Variants in AFG2A observed in about 807,000 individuals in gnomAD.
AFG2A encodes AAA ATPase AFG2A.
chr4:123,226,375 A>G, the AFG2A span, among the ~76,000 whole-genome samples: 3 of 152,140 alleles, frequency 2.0e-5, no homozygotes, highest in Non-Finnish European at 4.4e-5. Flanking sequence ...TACTATTTTG[A>G]GATACGTCCC....
chr4:123,207,330 G>A, the AFG2A span, among the ~76,000 whole-genome samples: 9 of 127,408 alleles, frequency 7.1e-5, no homozygotes, highest in East Asian at 2.2e-4. Flanking sequence ...TAGCTCTGTC[G>A]TCTGGGGTGG....
chr4:123,121,256 A>AAT, the AFG2A span, among the ~76,000 whole-genome samples: 2 of 80,216 alleles, frequency 2.5e-5, no homozygotes, highest in African/African-American at 5.6e-5. Flanking sequence ...AGTAAAAAAA[A>AAT]AAAATAATAA....
chr4:123,184,532 C>T, the AFG2A span, among the ~76,000 whole-genome samples: 237 of 89,134 alleles, frequency 2.7e-3, no homozygotes, highest in African/African-American at 3.4e-3. Context: ...ATGATCATTT[C>T]TTTTTTTTTT....
At chr4:123,111,580 TA>T in the AFG2A span, among the ~76,000 whole-genome samples, 1 of 152,204 alleles carries the variant, frequency 6.6e-6, no homozygotes, top group Non-Finnish European at 1.5e-5. Context: ...ATCATGAATT[TA>T]TTTTTTTCCC....
At chr4:122,981,613 A>G in the AFG2A span, among the ~76,000 whole-genome samples, 2 of 152,082 alleles carry the variant, frequency 1.3e-5, no homozygotes, top group Non-Finnish European at 2.9e-5. Context: ...AATTTTGGGT[A>G]GTATGAATAT....
the AFG2A span, among the ~76,000 whole-genome samples, chr4:123,204,568 C>T: frequency 1.3e-5 from 2 of 152,246 alleles, no homozygotes; most frequent in Admixed American, 1.3e-4. Flanking sequence ...TTATACAAGT[C>T]CTCTGAATAT....
chr4:123,134,036 G>A, the AFG2A span, among the ~76,000 whole-genome samples: 6 of 152,206 alleles, frequency 3.9e-5, no homozygotes, highest in African/African-American at 1.4e-4. Context: ...TTTATTAGAT[G>A]TATGATTTGC....
At chr4:123,133,564 G>A in the AFG2A span, among the ~76,000 whole-genome samples, 2 of 152,014 alleles carry the variant, frequency 1.3e-5, no homozygotes, top group Admixed American at 1.3e-4. Flanking sequence ...GTTTGAGTTT[G>A]ACACAGGTGA....
chr4:123,105,858 GTGAAGATGCTGT>G, the AFG2A span, among the ~76,000 whole-genome samples: 1 of 152,224 alleles, frequency 6.6e-6, no homozygotes, highest in African/African-American at 2.4e-5. Flanking sequence ...GAATCTACTG[GTGAAGATGCTGT>G]GAATATTGTT....
At chr4:122,933,631 G>T in the AFG2A span, 1 of 670,320 alleles carries the variant, frequency 1.5e-6, no homozygotes, top group Non-Finnish European at 2.5e-6. Flanking sequence ...CTCAATGAAT[G>T]AATATACTTT....
chr4:123,218,095 G>A, the AFG2A span, among the ~76,000 whole-genome samples: 1 of 152,182 alleles, frequency 6.6e-6, no homozygotes, highest in Non-Finnish European at 1.5e-5. Flanking sequence ...GAGCAGGATG[G>A]TGTATTAGGA....
At chr4:123,088,306 T>C in the AFG2A span, among the ~76,000 whole-genome samples, 3 of 152,166 alleles carry the variant, frequency 2.0e-5, no homozygotes, top group African/African-American at 7.2e-5. Flanking sequence ...CTGAGACCTG[T>C]CCATATTACC....
the AFG2A span, among the ~76,000 whole-genome samples, chr4:122,986,689 AC>A: frequency 2.6e-5 from 4 of 152,224 alleles, no homozygotes; most frequent in African/African-American, 9.6e-5. Context: ...ACAAATCACC[AC>A]TAAGGAACTT....
At chr4:123,200,658 GTTAC>G in the AFG2A span, among the ~76,000 whole-genome samples, 1 of 152,182 alleles carries the variant, frequency 6.6e-6, no homozygotes, top group African/African-American at 2.4e-5. Flanking sequence ...AGGCAAGCTT[GTTAC>G]TTTACTGTAA....
chr4:122,928,353 T>G, the AFG2A span, among the ~76,000 whole-genome samples: 2 of 152,188 alleles, frequency 1.3e-5, no homozygotes, highest in African/African-American at 4.8e-5. Flanking sequence ...TTTGGCAGCT[T>G]GGCTTTCTTT....
chr4:123,146,332 A>G, the AFG2A span, among the ~76,000 whole-genome samples: 9 of 152,176 alleles, frequency 5.9e-5, no homozygotes, highest in African/African-American at 1.7e-4. Flanking sequence ...TAGCCACACA[A>G]TGGGGAGAAA....
At chr4:122,925,025 A>G in the AFG2A span, among the ~76,000 whole-genome samples, 1 of 152,110 alleles carries the variant, frequency 6.6e-6, no homozygotes, top group South Asian at 2.1e-4. Context: ...GAGTGTCCCA[A>G]AGATACTTCA....
chr4:123,306,469 T>C, the AFG2A span, among the ~76,000 whole-genome samples: 25 of 152,338 alleles, frequency 1.6e-4, no homozygotes, highest in Non-Finnish European at 3.2e-4. Context: ...TTTTGTCTTA[T>C]TTTCTCATTT....
chr4:123,136,302 G>A, the AFG2A span, among the ~76,000 whole-genome samples: 1 of 152,094 alleles, frequency 6.6e-6, no homozygotes, highest in Non-Finnish European at 1.5e-5. Context: ...GGGAGGCTGA[G>A]GCAGGCAGAT....
Sources: gnomAD v4.1 joint callset for allele counts (sites outside exome capture counted in the v4.1 genomes callset) on GRCh38, gnomAD v4.1.1 for gene constraint, MANE v1.5 for transcripts, NCBI Gene and HGNC (gene_info 2026-07-23, HGNC 2026-07-21) for gene names.